The following SORCS3 variants were observed in gnomAD, a reference collection of about 807,000 sequenced individuals.
SORCS3 encodes sortilin related VPS10 domain containing receptor 3.
SORCS3 carries 57 observed loss-of-function variants against 146.3 expected under a neutral mutation model. The observed-to-expected ratio is 0.39, with a 90% CI of 0.31 to 0.49. The LOEUF is 0.49. SORCS3 is among the 20% of genes least tolerant of loss of function. The pLI, the probability that SORCS3 is intolerant of heterozygous loss-of-function variation, is 0.92. For synonymous variants in SORCS3, 653 were observed against 618.5 expected (o/e 1.06, Z -0.83); for missense variants, 1,341 against 1,575.5 (o/e 0.85, Z 2.52).
At chr10:105,182,223 T>C (rs2056446492) in intron 14 of SORCS3, among the ~76,000 whole-genome samples, 1 of 142,216 alleles carries the variant, frequency 7.0e-6, no homozygotes, top group African/African-American at 2.6e-5. Flanking sequence ...TTGTGACTAT[T>C]CAGCATCTTT....
At position 105,224,323 on chromosome 10, in the gene SORCS3, G is replaced by T. The variant is rs1196471401; in HGVS notation, c.2868+1074G>T. On this transcript the variant is annotated intron_variant, in intron 20 of 26. Coordinates refer to ENST00000369701, the MANE Select transcript of SORCS3 (RefSeq NM_014978.3). Reference sequence around the variant, plus strand: ...TTTGCCTTTTCCAGAATGTCATATAGTTGGAATCATATAGTATGCACTGTT... The same window carrying T: ...TTTGCCTTTTCCAGAATGTCATATATTTGGAATCATATAGTATGCACTGTT... 1.1e-4 allele frequency among the ~76,000 whole-genome samples: 17 copies of T among 152,120 alleles called. 1 individual carries two copies.
At chr10:105,244,395 A>G (rs1017342236) in intron 20 of SORCS3, among the ~76,000 whole-genome samples, 2 of 151,912 alleles carry the variant, frequency 1.3e-5, no homozygotes, top group Non-Finnish European at 2.9e-5. Flanking sequence ...TATCGTCAGG[A>G]TCCACATCTG....
chr10:104,736,742 T>A (rs1163252375), intron 1 of SORCS3, among the ~76,000 whole-genome samples: 1 of 151,216 alleles, frequency 6.6e-6, no homozygotes, highest in Non-Finnish European at 1.5e-5. Flanking sequence ...AGTCTTTCTT[T>A]GACTTCTTCT....
chr10:104,779,847 C>A (rs2017352864), intron 1 of SORCS3, among the ~76,000 whole-genome samples: 1 of 152,192 alleles, frequency 6.6e-6, no homozygotes, highest in South Asian at 2.1e-4. Context: ...CCCTGCCTCA[C>A]CCCGCGCGCT....
At chr10:105,192,303 A>G (rs551385937) in intron 14 of SORCS3, among the ~76,000 whole-genome samples, 1 of 152,184 alleles carries the variant, frequency 6.6e-6, no homozygotes, top group South Asian at 2.1e-4. Context: ...CCTAAGGCTT[A>G]CAGAATGAGT....
intron 1 of SORCS3, among the ~76,000 whole-genome samples, chr10:104,808,736 A>G (rs1344272060): frequency 6.6e-6 from 1 of 152,242 alleles, no homozygotes; most frequent in Non-Finnish European, 1.5e-5. Flanking sequence ...TCTACTGAGT[A>G]TTTACATCAG....
At chr10:104,760,367 A>G (rs1339778545) in intron 1 of SORCS3, among the ~76,000 whole-genome samples, 2 of 152,230 alleles carry the variant, frequency 1.3e-5, no homozygotes, top group African/African-American at 2.4e-5. Flanking sequence ...ATTATTAAAC[A>G]ATACCTCATT....
intron 17 of SORCS3, among the ~76,000 whole-genome samples, chr10:105,213,057 T>G (rs1252217418): frequency 2.6e-5 from 4 of 152,214 alleles, no homozygotes; most frequent in African/African-American, 9.7e-5. Flanking sequence ...CTAATGATAT[T>G]TCAAGTGCTC....
chr10:104,696,704 CGT>C (rs2016217731), intron 1 of SORCS3, among the ~76,000 whole-genome samples: 5 of 59,000 alleles, frequency 8.5e-5, no homozygotes, highest in African/African-American at 1.6e-4. Context: ...ATATTATATA[CGT>C]ATATATAATA....
intron 14 of SORCS3, among the ~76,000 whole-genome samples, chr10:105,188,214 AGTG>A (rs1398723716): frequency 1.3e-5 from 2 of 152,162 alleles, no homozygotes; most frequent in Non-Finnish European, 2.9e-5. Flanking sequence ...CATTACCTCC[AGTG>A]AGGCTTTTAT....
At chr10:104,994,848 G>C (rs2055014921) in intron 4 of SORCS3, among the ~76,000 whole-genome samples, 1 of 152,166 alleles carries the variant, frequency 6.6e-6, no homozygotes. Context: ...CCATCCACAT[G>C]TTAACGGGCA....
chr10:105,254,879 G>A (rs1423455785), intron 23 of SORCS3, among the ~76,000 whole-genome samples: 7 of 152,088 alleles, frequency 4.6e-5, no homozygotes, highest in South Asian at 2.1e-4. Context: ...ACATTTTGTT[G>A]AAAAAATCCA....
intron 1 of SORCS3, among the ~76,000 whole-genome samples, chr10:104,673,419 C>CGTGTGT (rs61501873): frequency 0.02 from 2,853 of 146,066 alleles, 67 homozygotes; most frequent in African/African-American, 0.063. Flanking sequence ...TTCTTATTTC[C>CGTGTGT]GTGTGTGTGT....
At chr10:104,732,821 G>A (rs1019143439) in intron 1 of SORCS3, among the ~76,000 whole-genome samples, 3 of 152,168 alleles carry the variant, frequency 2.0e-5, no homozygotes, top group Non-Finnish European at 2.9e-5. Context: ...GTGTAGGTGT[G>A]CTGGGTATAG....
At chr10:104,657,904 T>C (rs1284639731) in intron 1 of SORCS3, among the ~76,000 whole-genome samples, 2 of 152,256 alleles carry the variant, frequency 1.3e-5, no homozygotes, top group Non-Finnish European at 2.9e-5. Context: ...TATAGGGAAT[T>C]GTACTTTATT....
chr10:105,211,955 G>A (rs1354037920), intron 17 of SORCS3, among the ~76,000 whole-genome samples: 1 of 152,100 alleles, frequency 6.6e-6, no homozygotes, highest in Non-Finnish European at 1.5e-5. Context: ...CTGGGGTGGT[G>A]GGGAAATTTT....
At chr10:104,802,947 G>A (rs1398308226) in intron 1 of SORCS3, among the ~76,000 whole-genome samples, 3 of 152,176 alleles carry the variant, frequency 2.0e-5, no homozygotes, top group Non-Finnish European at 2.9e-5. Context: ...CAATGTCCAG[G>A]TGTAGATGGG....
At chr10:104,777,738 G>A (rs2017325880) in intron 1 of SORCS3, among the ~76,000 whole-genome samples, 1 of 152,194 alleles carries the variant, frequency 6.6e-6, no homozygotes, top group Non-Finnish European at 1.5e-5. Flanking sequence ...CTGATTTTGT[G>A]TGTGAGTGTG....
At chr10:104,946,259 T>C (rs1287567089) in intron 3 of SORCS3, among the ~76,000 whole-genome samples, 3 of 151,950 alleles carry the variant, frequency 2.0e-5, no homozygotes, top group Admixed American at 2.0e-4. Context: ...GAGTTGCAAA[T>C]ACAGGACGGC....
Sources: gnomAD v4.1 joint callset for allele counts (sites outside exome capture counted in the v4.1 genomes callset) on GRCh38, gnomAD v4.1.1 for gene constraint, MANE v1.5 for transcripts, NCBI Gene and HGNC (gene_info 2026-07-23, HGNC 2026-07-21) for gene names.